VPS54: variants seen among roughly 807,000 people sequenced by gnomAD.
The protein encoded by VPS54 is VPS54 subunit of GARP complex.
In VPS54, 45 loss-of-function variants were observed where a neutral mutation model predicts 121.5. That is an observed-to-expected ratio of 0.37 (90% CI 0.29 to 0.47). VPS54 has a LOEUF of 0.47. VPS54 is among the 20% of genes least tolerant of loss of function. VPS54 has a pLI of 0.99. For synonymous variants in VPS54, 371 were observed against 385.8 expected, an observed-to-expected ratio of 0.96 and a Z score of 0.45; for missense variants, 1,090 against 1,131.4, an observed-to-expected ratio of 0.96 and a Z score of 0.52.
intron 7 of VPS54, among the ~76,000 whole-genome samples, chr2:63,953,944 A>G (rs112641767): frequency 6.6e-6 from 1 of 152,314 alleles, no homozygotes; most frequent in East Asian, 1.9e-4. Flanking sequence ...TCTCAGAACA[A>G]TATTATTAAT....
Position 63,893,441 on chromosome 2 carries a change from G to A in VPS54, c.2923C>T (p.Gln975Ter). 1 of 1,613,724 alleles carries A rather than the reference G, an allele frequency of 6.2e-7. No individual in the cohort carries two copies. Among genetic ancestry groups the A allele is most frequent in the Non-Finnish European group, 8.5e-7 (1 of 1,179,716 alleles). The change falls in exon 23 of 23, where the codon CAG (glutamine) becomes TAG (stop). Residue 975 changes from glutamine to a stop codon, truncating the protein, a stop_gained. Coordinates refer to ENST00000272322, the MANE Select transcript of VPS54 (RefSeq NM_016516.3). LOFTEE classifies it high-confidence loss of function. Reference protein sequence around the residue: ...LDLNMAEIWEQKR With the variant: ...LDLNMAEIWE ...TTTCCAGGATGACATCACCTCTTCT[G>A]CTCCCAAATTTCGGCCATATTTAGG...
intron 12 of VPS54, among the ~76,000 whole-genome samples, chr2:63,926,467 G>A (rs559684397): frequency 5.3e-4 from 80 of 152,312 alleles, no homozygotes; most frequent in Non-Finnish European, 1.0e-3. Flanking sequence ...ACCTTTATAA[G>A]CTCCAGGACC....
intron 20 of VPS54, among the ~76,000 whole-genome samples, chr2:63,903,485 AATGAGGAT>A (rs534166157): frequency 0.034 from 5,230 of 152,266 alleles, 210 homozygotes; most frequent in African/African-American, 0.1. Context: ...TTTTCATAAA[AATGAGGAT>A]AAATATAAAA....
chr2:63,931,226 G>C (rs758535151), intron 12 of VPS54, among the ~76,000 whole-genome samples: 6 of 152,126 alleles, frequency 3.9e-5, no homozygotes, highest in Non-Finnish European at 8.8e-5. Flanking sequence ...AACAAAGCTG[G>C]AGGCATCATG....
chr2:63,905,428 A>G (rs1468843472), intron 20 of VPS54, among the ~76,000 whole-genome samples: 2 of 152,126 alleles, frequency 1.3e-5, no homozygotes, highest in East Asian at 1.9e-4. Flanking sequence ...TTCCAAGTTA[A>G]TAACAGATGA....
At chr2:64,001,349 C>A (rs2104675318) in intron 1 of VPS54, among the ~76,000 whole-genome samples, 1 of 152,322 alleles carries the variant, frequency 6.6e-6, no homozygotes, top group Non-Finnish European at 1.5e-5. Context: ...CAAGAGCCCA[C>A]TCGGTGTTTG....
rs1302522776 is a variant in VPS54 at position 63,892,737 on chromosome 2, T to G, written c.*693A>C. 1 of 152,090 alleles carries G rather than the reference T, an allele frequency of 6.6e-6. No homozygotes were observed. The highest frequency in any genetic ancestry group is 6.6e-5 in the Admixed American group (1 of 15,230). The allele number at this position is 152,090 out of a possible 1,614,324, so 9.4% of individuals were successfully genotyped here. ...TAAATAGATGCCAGGATCTTTTTTTTTAAGTATTAATTACTTAAAAAAAGG... is the reference window on the plus strand; with the variant it reads ...TAAATAGATGCCAGGATCTTTTTTTGTAAGTATTAATTACTTAAAAAAAGG... On this transcript the variant is annotated 3_prime_UTR_variant, in exon 23 of 23. Coordinates refer to ENST00000272322, the MANE Select transcript of VPS54 (RefSeq NM_016516.3).
chr2:63,912,550 T>C lies in VPS54; in HGVS notation c.2534A>G (p.His845Arg). ...KQYSMLRHFD[H>R]ITKDYHDHIA... ...TATATGAAAAAGTACCTTAGTGATA[T>C]GATCAAAATGCCTAAGCATGCTATA... Residue 845 changes from histidine to arginine, a missense_variant, in exon 19 of 23, where the codon CAT (histidine) becomes CGT (arginine). Physicochemically the swap from His to Arg is conservative, Grantham distance 29 (BLOSUM62 0). Around this residue, in one of 2 missense-constraint regions of VPS54, gnomAD observed 289 missense variants for 374.4 expected, o/e 0.77. Coordinates refer to ENST00000272322, the MANE Select transcript of VPS54 (RefSeq NM_016516.3). The C allele has an allele frequency of 1.9e-6, 3 of 1,611,644 alleles. No individual in the cohort carries two copies. The highest frequency in any genetic ancestry group is 1.7e-4 in the Middle Eastern group (1 of 6,054).
At chr2:63,999,067 C>T (rs1480960341) in intron 1 of VPS54, among the ~76,000 whole-genome samples, 1 of 152,210 alleles carries the variant, frequency 6.6e-6, no homozygotes, top group Non-Finnish European at 1.5e-5. Flanking sequence ...CTGCCTCAGC[C>T]TCCTGAGTAG....
rs70965151 is a variant in VPS54 at position 63,902,980 on chromosome 2, C to CAACATAACATAACATAACAT, written c.2626-3419_2626-3400dup. Among the ~76,000 whole-genome samples the CAACATAACATAACATAACAT allele has an allele frequency of 2.8e-3, 420 of 151,534 alleles. 3 individuals carry two copies. Among genetic ancestry groups the CAACATAACATAACATAACAT allele is most frequent in the African/African-American group, 5.2e-3 (214 of 41,282 alleles). On this transcript the variant is annotated intron_variant, in intron 20 of 22. Transcript: ENST00000272322. The stretch of plus-strand genomic sequence containing the variant: ...GAGACTGTCTCAAAAAATAACATAA[C>CAACATAACATAACATAACAT]AACATAACATAACATAACATAACAC...
chr2:63,989,730 A>C (rs139818333), intron 1 of VPS54, among the ~76,000 whole-genome samples: 16 of 152,186 alleles, frequency 1.1e-4, no homozygotes, highest in Admixed American at 2.6e-4. Context: ...TCTAAAAATT[A>C]TGCTTATCTC....
intron 7 of VPS54, among the ~76,000 whole-genome samples, chr2:63,950,172 C>T (rs1055337388): frequency 6.6e-6 from 1 of 152,202 alleles, no homozygotes; most frequent in Non-Finnish European, 1.5e-5. Flanking sequence ...AGCATCTGCA[C>T]ACAGTTTTCT....
intron 4 of VPS54, among the ~76,000 whole-genome samples, chr2:63,969,518 T>C (rs1676164486): frequency 6.6e-6 from 1 of 152,202 alleles, no homozygotes; most frequent in African/African-American, 2.4e-5. Flanking sequence ...ATCTAATGCC[T>C]GATGATCTGT....
At chr2:64,007,363 T>C (rs1234991401) in intron 1 of VPS54, among the ~76,000 whole-genome samples, 2 of 152,170 alleles carry the variant, frequency 1.3e-5, no homozygotes, top group Non-Finnish European at 2.9e-5. Flanking sequence ...AGGTCAAAGT[T>C]AAGTCCATGG....
chr2:63,894,289 G>A (rs556158946), intron 22 of VPS54, among the ~76,000 whole-genome samples: 1 of 152,304 alleles, frequency 6.6e-6, no homozygotes, highest in African/African-American at 2.4e-5. Context: ...ATAGGTATAT[G>A]CCCTGAAGAA....
rs149654945 is a variant in VPS54, at chr2:63,912,418, T to C, written c.2552A>G (p.His851Arg). The C allele has an allele frequency of 3.0e-5, 49 of 1,612,650 alleles. No homozygotes were observed. The African/African-American group carries it at 5.7e-4, about 19-fold the overall frequency. ...RHFDHITKDY[H>R]DHIAEISAKL... Reference sequence around the variant, plus strand: ...AGCTGATATTTCAGCTATGTGATCATGGTAGTCCTGCAATGAGAAATGATA... The same window carrying C: ...AGCTGATATTTCAGCTATGTGATCACGGTAGTCCTGCAATGAGAAATGATA... The change falls in exon 20 of 23, where the codon CAT becomes CGT. Residue 851 changes from histidine to arginine, a missense_variant. By Grantham distance (29) the His-to-Arg change is conservative. Around this residue, in one of 2 missense-constraint regions of VPS54, gnomAD observed 289 missense variants for 374.4 expected, o/e 0.77. Coordinates refer to ENST00000272322, the MANE Select transcript of VPS54 (RefSeq NM_016516.3).
intron 11 of VPS54, among the ~76,000 whole-genome samples, chr2:63,939,289 T>C (rs993790854): frequency 6.6e-6 from 1 of 152,164 alleles, no homozygotes; most frequent in Non-Finnish European, 1.5e-5. Flanking sequence ...AGATAATCAC[T>C]TGATCCTGGG....
chr2:63,933,448 A>G (rs1390459712), intron 12 of VPS54, among the ~76,000 whole-genome samples: 1 of 152,190 alleles, frequency 6.6e-6, no homozygotes, highest in African/African-American at 2.4e-5. Context: ...AATGGTCTTT[A>G]AAGTTCTTTT....
At chr2:64,010,538 C>T (rs1678380892) in intron 1 of VPS54, among the ~76,000 whole-genome samples, 1 of 152,104 alleles carries the variant, frequency 6.6e-6, no homozygotes, top group Non-Finnish European at 1.5e-5. Flanking sequence ...TTGCTGTTTG[C>T]CTACAAAATA....
Sources: gnomAD v4.1 joint callset for allele counts (sites outside exome capture counted in the v4.1 genomes callset) on GRCh38, gnomAD v4.1.1 for gene constraint, gnomAD v4.1.1 regional missense constraint, MANE v1.5 for transcripts, NCBI Gene and HGNC (gene_info 2026-07-23, HGNC 2026-07-21) for gene names.